The following ARRDC5 variants were observed in gnomAD, a reference collection of about 807,000 sequenced individuals.
ARRDC5 encodes arrestin domain-containing protein 5.
Under a neutral mutation model 13.3 loss-of-function variants are expected in ARRDC5, and 12 were observed. The observed-to-expected ratio is 0.90, with a 90% confidence interval of 0.58 to 1.46. The LOEUF is 1.46. Among genes scored for constraint, ARRDC5 ranks in the 40% most tolerant of loss-of-function variants. The pLI is 0.00. For missense variants in ARRDC5, 406 were observed against 418.7 expected (o/e 0.97, Z 0.26); for synonymous variants, 181 against 173.4 (o/e 1.04, Z -0.34).
At chr19:4,899,269 G>A (rs572981955) in intron 1 of ARRDC5, among the ~76,000 whole-genome samples, 67 of 150,826 alleles carry the variant, frequency 4.4e-4, no homozygotes, top group Non-Finnish European at 8.7e-4. Context: ...CCGAGATCGC[G>A]CCACTGCACT....
intron 2 of ARRDC5, among the ~76,000 whole-genome samples, chr19:4,894,100 G>A (rs1030808796): frequency 6.6e-6 from 1 of 150,744 alleles, no homozygotes; most frequent in African/African-American, 2.4e-5. Context: ...GAAGACAGCC[G>A]GTGCGGTGGC....
chr19:4,896,911 T>G (rs780501275), intron 1 of ARRDC5, 35 bp from the exon 2 acceptor site: 3 of 1,467,724 alleles, frequency 2.0e-6, no homozygotes, highest in Non-Finnish European at 2.8e-6. Context: ...ATCAGAAGGT[T>G]CTAGAATCTT....
chr19:4,906,946 G>T (rs1225893230), upstream of ARRDC5, among the ~76,000 whole-genome samples: 1 of 152,138 alleles, frequency 6.6e-6, no homozygotes, highest in Non-Finnish European at 1.5e-5. Flanking sequence ...TGTGGTGTGG[G>T]TTCTACCTGG....
the ARRDC5 span, among the ~76,000 whole-genome samples, chr19:4,915,986 G>A: frequency 6.6e-6 from 1 of 152,166 alleles, no homozygotes; most frequent in Non-Finnish European, 1.5e-5. Flanking sequence ...GCCTGTGTCT[G>A]TGTGGATTAT....
At chr19:4,901,440 C>T (rs1405947448) in intron 1 of ARRDC5, among the ~76,000 whole-genome samples, 1 of 151,878 alleles carries the variant, frequency 6.6e-6, no homozygotes, top group Non-Finnish European at 1.5e-5. Flanking sequence ...GTGGTGAAAC[C>T]CTGCCTCTAC....
the ARRDC5 span, among the ~76,000 whole-genome samples, chr19:4,911,812 G>C: frequency 1.3e-5 from 2 of 152,306 alleles, no homozygotes; most frequent in African/African-American, 4.8e-5. Flanking sequence ...GGCAGGATGA[G>C]ACAGTGTGAT....
chr19:4,898,218 T>C (rs1169361857), intron 1 of ARRDC5, among the ~76,000 whole-genome samples: 1 of 152,112 alleles, frequency 6.6e-6, no homozygotes, highest in Admixed American at 6.6e-5. Flanking sequence ...TGAGTGATGG[T>C]CTAGGAAGCA....
Position 4,891,371 on chromosome 19 carries a change from A to C in ARRDC5, c.662T>G (p.Phe221Cys). ...AGACCGCCGCTCTGCACTGGGCGTGAAGCCCTCGTACTGTATGTGGGCATA... is the reference window on the plus strand; with the variant it reads ...AGACCGCCGCTCTGCACTGGGCGTGCAGCCCTCGTACTGTATGTGGGCATA... ...ALYAHIQYEG[F>C]TPSAERRSRL... is the part of the protein sequence containing the mutation. Residue 221 changes from phenylalanine to cysteine, a missense_variant, in exon 3 of 3, where the codon TTC becomes TGC. Physicochemically the swap from Phe to Cys is radical, Grantham distance 205 (BLOSUM62 -2). Transcript: ENST00000650722. 1 of 1,613,654 alleles carries C rather than the reference A, an allele frequency of 6.2e-7. No homozygotes were observed. Among genetic ancestry groups the C allele is most frequent in the East Asian group, 2.2e-5 (1 of 44,882 alleles).
upstream of ARRDC5, among the ~76,000 whole-genome samples, chr19:4,907,586 T>TA (rs1428571603): frequency 4.0e-5 from 6 of 151,618 alleles, no homozygotes; most frequent in Non-Finnish European, 8.8e-5. Flanking sequence ...TTTATCATCT[T>TA]ACAGTTTGGG....
Position 4,892,716 on chromosome 19 carries a change from T to C in ARRDC5, c.460-1143A>G, listed in dbSNP as rs559084736. ...AGCAAATTGTTATTTCTGATATTTT[T>C]ATTCTACTTGTTGCCTGTTCTGTTC... On this transcript the variant is annotated intron_variant, in intron 2 of 2. Coordinates refer to ENST00000650722, the MANE Select transcript of ARRDC5 (RefSeq NM_001080523.3). 2.6e-5 allele frequency among the ~76,000 whole-genome samples: 4 copies of C among 152,280 alleles called. No homozygotes were observed. In the East Asian group the frequency reaches 7.7e-4, roughly 29 times the overall value.
chr19:4,894,521 A>G lies in ARRDC5; in HGVS notation c.459+2150T>C, dbSNP rs2031639157. Reference sequence around the variant, plus strand: ...GCGAGACTCCGTCTCAAAAAAAAAAAAAAAAAAAAAAAATTAGCCGGGCAT... The same window carrying G: ...GCGAGACTCCGTCTCAAAAAAAAAAGAAAAAAAAAAAAATTAGCCGGGCAT... On this transcript the variant is annotated intron_variant, in intron 2 of 2. Coordinates refer to ENST00000650722, the MANE Select transcript of ARRDC5 (RefSeq NM_001080523.3). 1.5e-5 allele frequency among the ~76,000 whole-genome samples: 2 copies of G among 135,270 alleles called. 1 individual carries two copies. The highest frequency in any genetic ancestry group is 1.6e-4 in the Admixed American group (2 of 12,602). The allele number at this position is 135,270 out of a possible 152,430, so 88.7% of individuals were successfully genotyped here. A position where few individuals can be genotyped will look rare whatever the true frequency, so the allele number is the denominator to read the frequency against.
At chr19:4,909,284 C>T in the ARRDC5 span, 2 of 535,102 alleles carry the variant, frequency 3.7e-6, no homozygotes, top group Middle Eastern at 2.9e-4. Flanking sequence ...GCCACGCAGC[C>T]CCTTTGCACG....
the ARRDC5 span, among the ~76,000 whole-genome samples, chr19:4,915,136 A>C: frequency 6.6e-6 from 1 of 152,228 alleles, no homozygotes; most frequent in African/African-American, 2.4e-5. Context: ...GCCTCAGTTG[A>C]AATGGTGGCC....
the ARRDC5 span, chr19:4,910,001 T>A: frequency 1.2e-5 from 2 of 173,904 alleles, no homozygotes; most frequent in Non-Finnish European, 2.4e-5. Context: ...CGCCCTGAGT[T>A]CCCCGGGAGC....
At chr19:4,893,006 G>A (rs2031562135) in intron 2 of ARRDC5, among the ~76,000 whole-genome samples, 1 of 150,422 alleles carries the variant, frequency 6.6e-6, no homozygotes, top group Non-Finnish European at 1.5e-5. Context: ...AGGAGGCTGA[G>A]GCGGGAGAAT....
chr19:4,891,452 G>T lies in ARRDC5; in HGVS notation c.581C>A (p.Thr194Lys), dbSNP rs543322920. 8 of 1,613,628 alleles carry T rather than the reference G, an allele frequency of 5.0e-6. No homozygotes were observed. The African/African-American group carries it at 1.1e-4, about 21-fold the overall frequency. Residue 194 changes from threonine to lysine, a missense_variant, in exon 3 of 3, where the codon ACA (threonine) becomes AAA (lysine). Thr to Lys is a moderately conservative substitution (Grantham distance 78, BLOSUM62 -1). Transcript: ENST00000650722. Reference protein sequence around the residue: ...TFTPGEKVVFTTEINNQTSKC... With the variant: ...TFTPGEKVVFKTEINNQTSKC... Reference sequence around the variant, plus strand: ...GCTGGTCTGGTTGTTGATCTCTGTTGTGAAGACGACCTTCTCTCCTGGCGT... The same window carrying T: ...GCTGGTCTGGTTGTTGATCTCTGTTTTGAAGACGACCTTCTCTCCTGGCGT...
At position 4,891,033 on chromosome 19, in the gene ARRDC5, A is replaced by C; in HGVS notation, c.*13T>G. The stretch of plus-strand genomic sequence containing the variant: ...AGACTAATAAAGCTTTTAATATTTA[A>C]AAGTTCGGGCACTTAATTCTGGTGA... On this transcript the variant is annotated 3_prime_UTR_variant, in exon 3 of 3. Coordinates refer to ENST00000650722, the MANE Select transcript of ARRDC5 (RefSeq NM_001080523.3). The C allele has an allele frequency of 6.3e-7, 1 of 1,596,788 alleles. No homozygotes were observed. The highest frequency in any genetic ancestry group is 1.8e-5 in the Admixed American group (1 of 57,096).
the ARRDC5 span, among the ~76,000 whole-genome samples, chr19:4,916,351 C>T: frequency 6.6e-6 from 1 of 151,848 alleles, no homozygotes; most frequent in African/African-American, 2.4e-5. Flanking sequence ...AAATTCAGAG[C>T]ACAAGAAGAC....
chr19:4,911,681 C>G, the ARRDC5 span, among the ~76,000 whole-genome samples: 1 of 152,164 alleles, frequency 6.6e-6, no homozygotes, highest in South Asian at 2.1e-4. Flanking sequence ...AAAATGTCCC[C>G]CTTTGATTTC....
Sources: allele counts gnomAD v4.1 joint callset (sites outside exome capture counted in the v4.1 genomes callset), GRCh38; gene constraint gnomAD v4.1.1; transcripts MANE v1.5; gene names NCBI Gene and HGNC (gene_info 2026-07-23, HGNC 2026-07-21).